RASSF8: variants seen among roughly 807,000 people sequenced by gnomAD.
RASSF8 encodes the protein Ras association domain family member 8, also known as ras association domain-containing protein 8.
Under a neutral mutation model 48.5 loss-of-function variants are expected in RASSF8, and 22 were observed. That is an observed-to-expected ratio of 0.45 (90% CI 0.32 to 0.65). The LOEUF is 0.65. Ranked by LOEUF, RASSF8 falls within the 30% of genes least tolerant of loss-of-function variation. The pLI, the probability that RASSF8 is intolerant of heterozygous loss-of-function variation, is 0.03. For missense variants in RASSF8, 418 were observed against 489.2 expected, an observed-to-expected ratio of 0.85 and a Z score of 1.37; for synonymous variants, 127 against 171.5, an observed-to-expected ratio of 0.74 and a Z score of 2.03.
chr12:26,003,917 A>G (rs1378431468), intron 2 of RASSF8, among the ~76,000 whole-genome samples: 1 of 152,148 alleles, frequency 6.6e-6, no homozygotes, highest in African/African-American at 2.4e-5. Flanking sequence ...TGGCTCATGC[A>G]TGTAATCCTA....
In RASSF8 at chr12:25,958,878, G is replaced by T. The variant is rs1041303466; in HGVS notation, c.-473G>T. ...GGGCGGCTCCCGCGGCGTCTCTGCC[G>T]CTGGCCGAGCGCTCGCGCACCGCGG... On this transcript the variant is annotated 5_prime_UTR_variant, in exon 1 of 6. Transcript: ENST00000689635. 2 of 146,964 alleles carry T rather than the reference G, an allele frequency of 1.4e-5. No individual in the cohort carries two copies. The highest frequency in any genetic ancestry group is 4.9e-5 in the African/African-American group (2 of 40,924). 9.1% of individuals were successfully genotyped at this position (146,964 alleles called of 1,614,324 possible).
intron 1 of RASSF8, among the ~76,000 whole-genome samples, chr12:25,994,690 A>G (rs1395150609): frequency 1.3e-5 from 2 of 152,254 alleles, no homozygotes; most frequent in East Asian, 3.8e-4. Flanking sequence ...TCAAGAAATC[A>G]GTGTGGTATC....
chr12:25,996,592 A>T (rs1355614963), intron 2 of RASSF8, among the ~76,000 whole-genome samples: 12 of 152,142 alleles, frequency 7.9e-5, no homozygotes, highest in Admixed American at 7.9e-4. Flanking sequence ...TTGCTGCTGA[A>T]GAGTTTTCAT....
chr12:26,034,586 T>C (rs1301820974), intron 2 of RASSF8, among the ~76,000 whole-genome samples: 1 of 152,116 alleles, frequency 6.6e-6, no homozygotes, highest in African/African-American at 2.4e-5. Context: ...TGGGAATGAC[T>C]AAGCAAATAA....
intron 1 of RASSF8, among the ~76,000 whole-genome samples, chr12:25,981,843 G>A (rs567395356): frequency 2.0e-5 from 3 of 152,284 alleles, no homozygotes; most frequent in African/African-American, 7.2e-5. Flanking sequence ...GTATTACAGC[G>A]TTCAAAGCCA....
At chr12:26,061,734 G>T (rs1212711777) in intron 3 of RASSF8, among the ~76,000 whole-genome samples, 1 of 151,928 alleles carries the variant, frequency 6.6e-6, no homozygotes, top group African/African-American at 2.4e-5. Flanking sequence ...GCCAAGTTAT[G>T]GATATTAAAA....
At chr12:25,969,892 G>T (rs192444961) in intron 1 of RASSF8, among the ~76,000 whole-genome samples, 1 of 152,220 alleles carries the variant, frequency 6.6e-6, no homozygotes, top group Admixed American at 6.5e-5. Flanking sequence ...AAATGTGCCA[G>T]TGGCATCCTG....
rs1422861426 is a variant in RASSF8 at position 25,967,950 on chromosome 12, C to T, written c.-203+8802C>T. On this transcript the variant is annotated intron_variant, in intron 1 of 5. Transcript: ENST00000689635. ...TGCACACCCTGGATCCCGCTGTCTT[C>T]GGGGCCCTTCTCTATCAGTAATCCA... Among the ~76,000 whole-genome samples the T allele has an allele frequency of 9.2e-5, 14 of 152,328 alleles. No individual in the cohort carries two copies. In the South Asian group the frequency reaches 2.3e-3, roughly 25 times the overall value.
intron 1 of RASSF8, among the ~76,000 whole-genome samples, chr12:25,990,149 C>G (rs2136942316): frequency 6.6e-6 from 1 of 152,116 alleles, no homozygotes; most frequent in African/African-American, 2.4e-5. Context: ...TTTGTATAAC[C>G]TGTATAATGG....
intron 2 of RASSF8, among the ~76,000 whole-genome samples, chr12:26,051,470 T>C (rs568267080): frequency 8.5e-5 from 13 of 152,174 alleles, no homozygotes; most frequent in Non-Finnish European, 1.5e-4. Flanking sequence ...TTGCTTTATG[T>C]GTTTTTTTCT....
chr12:25,987,746 A>G (rs926478759), intron 1 of RASSF8, among the ~76,000 whole-genome samples: 1 of 152,194 alleles, frequency 6.6e-6, no homozygotes, highest in Non-Finnish European at 1.5e-5. Context: ...TTCACTTTCT[A>G]TATTTTTTGC....
intron 1 of RASSF8, among the ~76,000 whole-genome samples, chr12:25,984,116 C>A (rs1941811458): frequency 6.6e-6 from 1 of 151,894 alleles, no homozygotes; most frequent in Non-Finnish European, 1.5e-5. Context: ...GGCTGGAGTG[C>A]AGTCGCATGA....
intron 1 of RASSF8, among the ~76,000 whole-genome samples, chr12:25,962,309 G>T (rs1430809534): frequency 2.6e-5 from 4 of 152,128 alleles, no homozygotes; most frequent in Non-Finnish European, 4.4e-5. Flanking sequence ...ATCCTTGGGT[G>T]CTAGCTCAAA....
At chr12:25,967,321 A>G (rs938271592) in intron 1 of RASSF8, among the ~76,000 whole-genome samples, 1 of 152,204 alleles carries the variant, frequency 6.6e-6, no homozygotes, top group Admixed American at 6.5e-5. Flanking sequence ...TTATAATAAT[A>G]AAGTCTGGTG....
chr12:26,050,012 A>T (rs926072110), intron 2 of RASSF8, among the ~76,000 whole-genome samples: 5 of 152,108 alleles, frequency 3.3e-5, no homozygotes, highest in African/African-American at 9.7e-5. Context: ...CTTGATCTCC[A>T]GACCTCGTGA....
At chr12:26,025,958 G>A (rs1685847350) in intron 2 of RASSF8, among the ~76,000 whole-genome samples, 1 of 152,036 alleles carries the variant, frequency 6.6e-6, no homozygotes, top group Admixed American at 6.5e-5. Flanking sequence ...AGTGAAGTTA[G>A]CCCCCTATAT....
intron 1 of RASSF8, among the ~76,000 whole-genome samples, chr12:25,989,315 A>T (rs74866467): frequency 2.2e-3 from 330 of 152,310 alleles, no homozygotes; most frequent in African/African-American, 7.2e-3. Context: ...CTATAGTGAA[A>T]CACAGTTTCT....
chr12:26,045,134 C>G (rs1342048452), intron 2 of RASSF8, among the ~76,000 whole-genome samples: 1 of 152,044 alleles, frequency 6.6e-6, no homozygotes, highest in African/African-American at 2.4e-5. Context: ...AAACTAACTG[C>G]CTTTTCAAAT....
intron 1 of RASSF8, among the ~76,000 whole-genome samples, chr12:25,970,861 A>G (rs765873148): frequency 9.9e-5 from 15 of 152,216 alleles, no homozygotes; most frequent in Non-Finnish European, 1.8e-4. Context: ...CTATTTGATG[A>G]CATGAAGAAA....
Sources: gnomAD v4.1 joint callset for allele counts (sites outside exome capture counted in the v4.1 genomes callset) on GRCh38, gnomAD v4.1.1 for gene constraint, MANE v1.5 for transcripts, NCBI Gene and HGNC (gene_info 2026-07-23, HGNC 2026-07-21) for gene names.